GRM4: variants seen among roughly 807,000 people sequenced by gnomAD.
GRM4 encodes glutamate metabotropic receptor 4.
GRM4 carries 28 observed loss-of-function variants against 81.7 expected under a neutral mutation model. The observed-to-expected ratio is 0.34, with a 90% CI of 0.25 to 0.47. The LOEUF is 0.47. GRM4 is among the 20% of genes least tolerant of loss of function. The probability of loss-of-function intolerance (pLI) is 1.00; values close to 1 mark genes in which losing one functional copy is unlikely to be tolerated. For synonymous variants in GRM4, 488 were observed against 528.8 expected (o/e 0.92, Z 1.06); for missense variants, 948 against 1,290.0 (o/e 0.73, Z 4.06).
intron 3 of GRM4, among the ~76,000 whole-genome samples, chr6:34,072,976 A>T (rs111218562): frequency 1.8e-4 from 25 of 135,304 alleles, no homozygotes; most frequent in Admixed American, 3.6e-4. Flanking sequence ...CACCACACAG[A>T]TACATACCAC....
rs1767432032 is a variant in GRM4, at chr6:34,078,524, C to T, written c.736+13359G>A. 6.6e-6 allele frequency among the ~76,000 whole-genome samples: 1 copy of T among 152,176 alleles called. No individual in the cohort carries two copies. Among genetic ancestry groups the T allele is most frequent in the Non-Finnish European group, 1.5e-5 (1 of 68,036 alleles). ...CCCCACCTCCACCTTTCTATCTCAC[C>T]GTCCTCTCTGCTTCCTGCCTTCTGG... is the stretch of plus-strand genomic sequence containing the variant. On this transcript the variant is annotated intron_variant, in intron 3 of 10. Coordinates refer to ENST00000538487, the MANE Select transcript of GRM4 (RefSeq NM_000841.4). This position sits in a 1 kb window ranked among gnomAD's most constrained non-coding sequence, Gnocchi z 4.8.
intron 3 of GRM4, among the ~76,000 whole-genome samples, chr6:34,075,114 G>A (rs1011012342): frequency 1.3e-5 from 2 of 151,882 alleles, no homozygotes; most frequent in Non-Finnish European, 2.9e-5. Context: ...GGGCAGTGCA[G>A]TGGGGCTGTG....
chr6:34,054,037 C>T lies in GRM4; in HGVS notation c.1168+2507G>A, dbSNP rs753926675. 6.6e-5 allele frequency: 10 copies of T among 152,162 alleles called. 1 individual carries two copies. The highest frequency in any genetic ancestry group is 4.2e-4 in the South Asian group (2 of 4,818). 9.4% of individuals were successfully genotyped at this position (152,162 alleles called of 1,614,324 possible). ...ACAGATCAGGAAGTGCCTCCATTAA[C>T]GCTTCACTTCCTTCTGGAGACACCC... On this transcript the variant is annotated intron_variant, in intron 6 of 10. Transcript: ENST00000538487.
intron 6 of GRM4, chr6:34,055,922 C>G (rs1410801280): frequency 6.6e-6 from 1 of 152,340 alleles, no homozygotes; most frequent in Non-Finnish European, 1.5e-5. Flanking sequence ...CAGGCCGTCC[C>G]TGGCCACTTC....
chr6:34,111,032 G>T lies in GRM4; in HGVS notation c.520-18933C>A. 1 of 270,234 alleles carries T rather than the reference G, an allele frequency of 3.7e-6. No homozygotes were observed. The highest frequency in any genetic ancestry group is 6.8e-6 in the Non-Finnish European group (1 of 146,572). 16.7% of individuals were successfully genotyped at this position (270,234 alleles called of 1,614,324 possible). A position where few individuals can be genotyped will look rare whatever the true frequency, so the allele number is the denominator to read the frequency against. On this transcript the variant is annotated intron_variant, in intron 2 of 10. Transcript: ENST00000538487. The surrounding 1 kb of genome is among the most constrained non-coding windows in gnomAD (Gnocchi z 5.1). ...CTCAGGCTGCCAAGGCTTGGGGGCA[G>T]CTCCAGACAATCCGTCTCATGCATT...
At chr6:34,134,084 GTAC>G (rs1316396165) in intron 1 of GRM4, among the ~76,000 whole-genome samples, 1 of 152,130 alleles carries the variant, frequency 6.6e-6, no homozygotes, top group East Asian at 1.9e-4. Flanking sequence ...CCTAAGGCCT[GTAC>G]CCACTGCTAT....
Position 34,040,243 on chromosome 6 carries a change from G to C in GRM4, c.1441C>G (p.Gln481Glu). Reference protein sequence around the residue: ...APGRYDIYQYQLRNDSAEYKV... With the variant: ...APGRYDIYQYELRNDSAEYKV... Reference sequence around the variant, plus strand: ...TACTCGGCAGAATCGTTGCGCAGCTGGTATTGGTAGATGTCATAGCGCCCA... The same window carrying C: ...TACTCGGCAGAATCGTTGCGCAGCTCGTATTGGTAGATGTCATAGCGCCCA... The change falls in exon 8 of 11, where the codon CAG (glutamine) becomes GAG (glutamate). Residue 481 changes from glutamine to glutamate, a missense_variant. Coordinates refer to ENST00000538487, the MANE Select transcript of GRM4 (RefSeq NM_000841.4). 6.2e-7 allele frequency: 1 copy of C among 1,614,046 alleles called. No individual in the cohort carries two copies. The highest frequency in any genetic ancestry group is 8.5e-7 in the Non-Finnish European group (1 of 1,179,850).
rs753532554 is a variant in GRM4 at position 34,022,899 on chromosome 6, G to A, written c.2690-29C>T. 2 of 1,592,458 alleles carry A rather than the reference G, an allele frequency of 1.3e-6. No homozygotes were observed. Among genetic ancestry groups the A allele is most frequent in the Admixed American group, 1.7e-5 (1 of 60,008 alleles). On this transcript the variant is annotated intron_variant, in intron 10 of 10. Transcript: ENST00000538487. This position sits in a 1 kb window ranked among gnomAD's most constrained non-coding sequence, Gnocchi z 5.6. ...GAAGGAGAGAGACCAGGGGTACCCA[G>A]GAGTCAGGGGCTGCTTTTCTCAAAC...
intron 3 of GRM4, among the ~76,000 whole-genome samples, chr6:34,081,186 G>C (rs993188920): frequency 2.6e-5 from 4 of 152,246 alleles, no homozygotes; most frequent in African/African-American, 9.6e-5. Context: ...ACAAAGCCCA[G>C]CTCTGCCCTG....
chr6:34,103,815 C>T lies in GRM4; in HGVS notation c.520-11716G>A, dbSNP rs1768976138. The T allele has an allele frequency of 3.5e-6, 5 of 1,434,628 alleles. No homozygotes were observed. The South Asian group carries it at 4.5e-5, about 13-fold the overall frequency. The allele number at this position is 1,434,628 out of a possible 1,614,324, so 88.9% of individuals were successfully genotyped here. ...GAGCCTCAGTCTCCTCATCTGTCCACAGGCACCACGGTGAAAGACTGGGAT... is the reference window on the plus strand; with the variant it reads ...GAGCCTCAGTCTCCTCATCTGTCCATAGGCACCACGGTGAAAGACTGGGAT... On this transcript the variant is annotated intron_variant, in intron 2 of 10. Coordinates refer to ENST00000538487, the MANE Select transcript of GRM4 (RefSeq NM_000841.4).
At chr6:34,033,697 CTTTCTCTT>C (rs1403541329) in intron 9 of GRM4, among the ~76,000 whole-genome samples, 1 of 111,798 alleles carries the variant, frequency 8.9e-6, no homozygotes, top group Non-Finnish European at 2.0e-5. Context: ...CTCTCTCTCT[CTTTCTCTT>C]TCTTTCTCTC....
chr6:34,076,850 C>G (rs555225228), intron 3 of GRM4, among the ~76,000 whole-genome samples: 1 of 152,134 alleles, frequency 6.6e-6, no homozygotes, highest in East Asian at 1.9e-4. Context: ...GGAGCCTCAA[C>G]GCTTGGGGGC....
At chr6:34,106,861 G>A (rs1248249552) in intron 2 of GRM4, among the ~76,000 whole-genome samples, 1 of 152,282 alleles carries the variant, frequency 6.6e-6, no homozygotes, top group Non-Finnish European at 1.5e-5. Context: ...GCGAGCCTGA[G>A]CGGCAGTTGG....
At chr6:34,071,250 C>G (rs1191707844) in intron 3 of GRM4, among the ~76,000 whole-genome samples, 1 of 150,436 alleles carries the variant, frequency 6.6e-6, no homozygotes. Context: ...CCACACATCA[C>G]CACACACATA....
chr6:34,065,274 C>T (rs2127464274), intron 3 of GRM4, among the ~76,000 whole-genome samples: 1 of 152,136 alleles, frequency 6.6e-6, no homozygotes, highest in East Asian at 1.9e-4. Flanking sequence ...TGTGCCCAGC[C>T]CCTGGGCCAC....
intron 6 of GRM4, among the ~76,000 whole-genome samples, chr6:34,053,263 TCCCCTG>T (rs1765699296): frequency 6.6e-6 from 1 of 151,934 alleles, no homozygotes; most frequent in South Asian, 2.1e-4. Flanking sequence ...GGTGGGTCCT[TCCCCTG>T]CCCCTGCTCC....
rs1267146770 is a variant in GRM4 at position 34,114,659 on chromosome 6, C to T, written c.519+18319G>A. Among the ~76,000 whole-genome samples, 1 of 152,104 alleles carries T rather than the reference C, an allele frequency of 6.6e-6. No homozygotes were observed. Among genetic ancestry groups the T allele is most frequent in the African/African-American group, 2.4e-5 (1 of 41,388 alleles). On this transcript the variant is annotated intron_variant, in intron 2 of 10. Transcript: ENST00000538487. This position sits in a 1 kb window ranked among gnomAD's most constrained non-coding sequence, Gnocchi z 4.3. ...GGTCCCACCGGTGCCCACCCTCTAC[C>T]CTGAGGACACTGCCCGGCTCCACCT...
At chr6:34,145,971 C>G (rs1770916070) in intron 1 of GRM4, 29 bp downstream of exon 1, 2 of 984,028 alleles carry the variant, frequency 2.0e-6, no homozygotes, top group Non-Finnish European at 2.4e-6. Context: ...CCCCCTTCCT[C>G]CTCCCCGTGC....
chr6:34,037,148 C>G (rs765928647), intron 8 of GRM4, among the ~76,000 whole-genome samples: 8 of 152,224 alleles, frequency 5.3e-5, no homozygotes, highest in Non-Finnish European at 1.2e-4. Flanking sequence ...GCACCTCTGC[C>G]AAACAGCAGG....
Sources: gnomAD v4.1 joint callset for allele counts (sites outside exome capture counted in the v4.1 genomes callset) on GRCh38, gnomAD v4.1.1 for gene constraint, Gnocchi (gnomAD v3.1) non-coding constraint, MANE v1.5 for transcripts, NCBI Gene and HGNC (gene_info 2026-07-23, HGNC 2026-07-21) for gene names.